The following CDKN1A variants were observed in gnomAD, a reference collection of about 807,000 sequenced individuals.
CDKN1A encodes cyclin dependent kinase inhibitor 1A.
A neutral mutation model predicts 14.8 loss-of-function variants in CDKN1A; 14 were observed. That is an observed-to-expected ratio of 0.94 (90% CI 0.62 to 1.48). The LOEUF (loss-of-function observed/expected upper bound fraction) is 1.48, where lower values mean the gene tolerates loss of function less well. Ranked by LOEUF, CDKN1A falls within the 40% of genes most tolerant of loss-of-function variation. The pLI is 0.00. For missense variants in CDKN1A, 203 were observed against 231.7 expected, an observed-to-expected ratio of 0.88 and a Z score of 0.80; for synonymous variants, 92 against 93.5, an observed-to-expected ratio of 0.98 and a Z score of 0.09.
In CDKN1A at chr6:36,678,991, C is replaced by CTA. The variant is rs3176319; in HGVS notation, c.-6+194_-6+195dup. The CTA allele has an allele frequency of 0.2, 197,602 of 984,942 alleles. 20,018 individuals are homozygous for CTA. Among genetic ancestry groups the CTA allele is most frequent in the South Asian group, 0.3 (6,429 of 21,274 alleles). 61.0% of individuals were successfully genotyped at this position (984,942 alleles called of 1,614,324 possible). A position where few individuals can be genotyped will look rare whatever the true frequency, so the allele number is the denominator to read the frequency against. ...CGCTCGGCTTGCGCACACGGTGTCTCTAAGTGCGCGGGTGACGAGAGTCGG... is the reference window on the plus strand; with the variant it reads ...CGCTCGGCTTGCGCACACGGTGTCTCTATAAGTGCGCGGGTGACGAGAGTCGG... On this transcript the variant is annotated intron_variant, in intron 1 of 2. Transcript: ENST00000244741. This position sits in a 1 kb window ranked among gnomAD's most constrained non-coding sequence, Gnocchi z 5.7.
At chr6:36,679,409 C>T (rs563904290) in intron 1 of CDKN1A, among the ~76,000 whole-genome samples, 113 of 152,294 alleles carry the variant, frequency 7.4e-4, no homozygotes, top group African/African-American at 2.6e-3. Context: ...TGTGCCAGGA[C>T]CCGTCCCCTA....
At position 36,685,790 on chromosome 6, in the gene CDKN1A, G is replaced by A. The variant is rs2150315464; in HGVS notation, c.485G>A (p.Arg162Lys). ...HSKRRLIFSK[R>K]KP The stretch of plus-strand genomic sequence containing the variant: ...AAACGCCGGCTGATCTTCTCCAAGA[G>A]GAAGCCCTAATCCGCCCACAGGAAG... Residue 162 changes from arginine (R) to lysine (K), a missense_variant, in exon 3 of 3, where the codon AGG (arginine) becomes AAG (lysine). Arg to Lys is a conservative substitution (Grantham distance 26). Coordinates refer to ENST00000244741, the MANE Select transcript of CDKN1A (RefSeq NM_000389.5). 6.2e-7 allele frequency: 1 copy of A among 1,614,210 alleles called. No homozygotes were observed. The highest frequency in any genetic ancestry group is 8.5e-7 in the Non-Finnish European group (1 of 1,180,026).
At chr6:36,676,599 G>C (rs1165483679), upstream of CDKN1A, 2 of 152,160 alleles carry the variant, frequency 1.3e-5, no homozygotes, top group Non-Finnish European at 2.9e-5. Context: ...CTCTGAACAG[G>C]GTATGTGATC....
At chr6:36,681,439 CTCTT>C (rs1439279784) in intron 1 of CDKN1A, among the ~76,000 whole-genome samples, 1 of 130,982 alleles carries the variant, frequency 7.6e-6, no homozygotes, top group Non-Finnish European at 1.6e-5. Flanking sequence ...TTCTCTTTCT[CTCTT>C]TCTTTCTTTT....
At chr6:36,680,332 G>A in intron 1 of CDKN1A, 1 of 151,712 alleles carries the variant, frequency 6.6e-6, no homozygotes, top group Non-Finnish European at 1.5e-5. Context: ...GTGTGTGTGT[G>A]TGTGTGTGTG....
intron 1 of CDKN1A, among the ~76,000 whole-genome samples, chr6:36,681,408 C>CTTTCT (rs1562038520): frequency 6.0e-5 from 4 of 66,542 alleles, no homozygotes; most frequent in African/African-American, 1.3e-4. Flanking sequence ...TTTCTTTCTT[C>CTTTCT]CTTTCTCTTT....
In CDKN1A at chr6:36,687,188, T is replaced by A. The variant is rs527383432; in HGVS notation, c.*1388T>A. 18 of 233,316 alleles carry A rather than the reference T, an allele frequency of 7.7e-5. No individual in the cohort carries two copies. In the Admixed American group the frequency reaches 9.6e-4, roughly 12 times the overall value. The allele number at this position is 233,316 out of a possible 1,614,324, so 14.5% of individuals were successfully genotyped here. A position where few individuals can be genotyped will look rare whatever the true frequency, so the allele number is the denominator to read the frequency against. ...TGGACTGTTTTCTCTCGGCTCCCCA[T>A]GTGTCCTGGTTCCCGTTTCTCCACC... is the stretch of plus-strand genomic sequence containing the variant. On this transcript the variant is annotated 3_prime_UTR_variant, in exon 3 of 3. Coordinates refer to ENST00000244741, the MANE Select transcript of CDKN1A (RefSeq NM_000389.5).
In CDKN1A at chr6:36,684,468, T is replaced by G. The variant is rs373136985; in HGVS notation, c.367T>G (p.Ser123Ala). 6.2e-7 allele frequency: 1 copy of G among 1,614,040 alleles called. No homozygotes were observed. The highest frequency in any genetic ancestry group is 1.3e-5 in the African/African-American group (1 of 74,942). ...LSLSCTLVPR[S>A]GEQAEGSPGG... ...ACTGTCTTGTACCCTTGTGCCTCGC[T>G]CAGGGGAGCAGGCTGAAGGGTCCCC... Residue 123 changes from serine (S) to alanine (A), a missense_variant, in exon 2 of 3, where the codon TCA becomes GCA. Physicochemically the swap from Ser to Ala is moderately conservative, Grantham distance 99 (BLOSUM62 1). Coordinates refer to ENST00000244741, the MANE Select transcript of CDKN1A (RefSeq NM_000389.5). This position sits in a 1 kb window ranked among gnomAD's most constrained non-coding sequence, Gnocchi z 6.0.
At chr6:36,683,771 G>T (rs1348383510) in intron 1 of CDKN1A, among the ~76,000 whole-genome samples, 1 of 152,234 alleles carries the variant, frequency 6.6e-6, no homozygotes, top group African/African-American at 2.4e-5. Flanking sequence ...GGACACCTCT[G>T]GGGGGAAAAC....
Position 36,678,936 on chromosome 6 carries a change from G to T in CDKN1A, c.-6+138G>T. 1.0e-6 allele frequency: 1 copy of T among 985,958 alleles called. No homozygotes were observed. Among genetic ancestry groups the T allele is most frequent in the Middle Eastern group, 5.2e-4 (1 of 1,918 alleles). The allele number at this position is 985,958 out of a possible 1,614,324, so 61.1% of individuals were successfully genotyped here. On this transcript the variant is annotated intron_variant, in intron 1 of 2. Transcript: ENST00000244741. The surrounding 1 kb of genome is among the most constrained non-coding windows in gnomAD (Gnocchi z 5.7). ...TGCTGCGTTCACAGGTGTTTCTGCG[G>T]CAGGTGAATGACGGGCGTGGGTCGG...
chr6:36,682,788 G>T (rs3176345), intron 1 of CDKN1A: 1 of 152,204 alleles, frequency 6.6e-6, no homozygotes, highest in Non-Finnish European at 1.5e-5. Context: ...TCTCCTGAAG[G>T]GGGAGGAGAG....
chr6:36,681,408 C>CTCT (rs1562038520), intron 1 of CDKN1A, among the ~76,000 whole-genome samples: 5 of 66,618 alleles, frequency 7.5e-5, no homozygotes, highest in East Asian at 3.9e-4. Flanking sequence ...TTTCTTTCTT[C>CTCT]CTTTCTCTTT....
At position 36,678,999 on chromosome 6, in the gene CDKN1A, G is replaced by A; in HGVS notation, c.-6+201G>A. ...TTGCGCACACGGTGTCTCTAAGTGC[G>A]CGGGTGACGAGAGTCGGGATGTGCC... On this transcript the variant is annotated intron_variant, in intron 1 of 2. Transcript: ENST00000244741. The surrounding 1 kb of genome is among the most constrained non-coding windows in gnomAD (Gnocchi z 5.7). The A allele has an allele frequency of 1.0e-6, 1 of 984,122 alleles. No homozygotes were observed. The highest frequency in any genetic ancestry group is 1.2e-6 in the Non-Finnish European group (1 of 828,852). The allele number at this position is 984,122 out of a possible 1,614,324, so 61.0% of individuals were successfully genotyped here. A position where few individuals can be genotyped will look rare whatever the true frequency, so the allele number is the denominator to read the frequency against.
In CDKN1A at chr6:36,678,872, G is replaced by T; in HGVS notation, c.-6+74G>T. On this transcript the variant is annotated intron_variant, in intron 1 of 2. Coordinates refer to ENST00000244741, the MANE Select transcript of CDKN1A (RefSeq NM_000389.5). This position sits in a 1 kb window ranked among gnomAD's most constrained non-coding sequence, Gnocchi z 5.7. Reference sequence around the variant, plus strand: ...AGCCGAGCCAAGCGTGCCCGCGTGTGTCCCTGCGTGTCCGCGAGGATGCGT... The same window carrying T: ...AGCCGAGCCAAGCGTGCCCGCGTGTTTCCCTGCGTGTCCGCGAGGATGCGT... 1.0e-6 allele frequency: 1 copy of T among 985,758 alleles called. No homozygotes were observed. The highest frequency in any genetic ancestry group is 1.2e-6 in the Non-Finnish European group (1 of 830,158). The allele number at this position is 985,758 out of a possible 1,614,324, so 61.1% of individuals were successfully genotyped here.
rs767974221 is a variant in CDKN1A at position 36,684,445 on chromosome 6, T to G, written c.344T>G (p.Leu115Arg). The change falls in exon 2 of 3, where the codon CTG (leucine) becomes CGG (arginine). Residue 115 changes from leucine to arginine, a missense_variant. Transcript: ENST00000244741. This position sits in a 1 kb window ranked among gnomAD's most constrained non-coding sequence, Gnocchi z 6.0. ...GAGGAAGACCATGTGGACCTGTCACTGTCTTGTACCCTTGTGCCTCGCTCA... is the reference window on the plus strand; with the variant it reads ...GAGGAAGACCATGTGGACCTGTCACGGTCTTGTACCCTTGTGCCTCGCTCA... Reference protein sequence around the residue: ...TAEEDHVDLSLSCTLVPRSGE... With the variant: ...TAEEDHVDLSRSCTLVPRSGE... The G allele has an allele frequency of 1.9e-6, 3 of 1,614,098 alleles. No homozygotes were observed. Among genetic ancestry groups the G allele is most frequent in the Non-Finnish European group, 8.5e-7 (1 of 1,179,996 alleles).
chr6:36,680,050 C>G (rs1306889920), intron 1 of CDKN1A, among the ~76,000 whole-genome samples: 4 of 152,216 alleles, frequency 2.6e-5, no homozygotes, highest in Non-Finnish European at 4.4e-5. Context: ...CCGTCCCAAA[C>G]CCCTGGGGGA....
intron 1 of CDKN1A, among the ~76,000 whole-genome samples, chr6:36,681,334 T>TTCTTTCTTTCTTTCTTTCTTTCTTTCTC (rs780161958): frequency 3.5e-5 from 3 of 86,058 alleles, no homozygotes; most frequent in Non-Finnish European, 4.9e-5. Flanking sequence ...CTTTCTTTCT[T>TTCTTTCTTTCTTTCTTTCTTTCTTTCTC]TTTCTTTCTT....
rs199896504 is a variant in CDKN1A, at chr6:36,684,138, T to C, written c.37T>C (p.Cys13Arg). The C allele has an allele frequency of 1.5e-5, 24 of 1,613,010 alleles. No homozygotes were observed. The highest frequency in any genetic ancestry group is 2.0e-5 in the Non-Finnish European group (24 of 1,179,978). Residue 13 changes from cysteine to arginine, a missense_variant, in exon 2 of 3, where the codon TGC becomes CGC. Coordinates refer to ENST00000244741, the MANE Select transcript of CDKN1A (RefSeq NM_000389.5). This position sits in a 1 kb window ranked among gnomAD's most constrained non-coding sequence, Gnocchi z 6.0. ...GGCTGGGGATGTCCGTCAGAACCCA[T>C]GCGGCAGCAAGGCCTGCCGCCGCCT... ...EPAGDVRQNPCGSKACRRLFG... is the reference protein window; with the variant it reads ...EPAGDVRQNPRGSKACRRLFG...
chr6:36,687,203 G>T lies in CDKN1A; in HGVS notation c.*1403G>T, dbSNP rs903433616. Reference sequence around the variant, plus strand: ...CGGCTCCCCATGTGTCCTGGTTCCCGTTTCTCCACCTAGACTGTAAACCTC... The same window carrying T: ...CGGCTCCCCATGTGTCCTGGTTCCCTTTTCTCCACCTAGACTGTAAACCTC... On this transcript the variant is annotated 3_prime_UTR_variant, in exon 3 of 3. Coordinates refer to ENST00000244741, the MANE Select transcript of CDKN1A (RefSeq NM_000389.5). 1 of 233,076 alleles carries T rather than the reference G, an allele frequency of 4.3e-6. No individual in the cohort carries two copies. Among genetic ancestry groups the T allele is most frequent in the African/African-American group, 2.2e-5 (1 of 45,282 alleles). The allele number at this position is 233,076 out of a possible 1,614,324, so 14.4% of individuals were successfully genotyped here.
Sources: gnomAD v4.1 joint callset for allele counts (sites outside exome capture counted in the v4.1 genomes callset) on GRCh38, gnomAD v4.1.1 for gene constraint, Gnocchi (gnomAD v3.1) non-coding constraint, MANE v1.5 for transcripts, NCBI Gene and HGNC (gene_info 2026-07-23, HGNC 2026-07-21) for gene names.